The following FRRS1 variants were observed in gnomAD, a reference collection of about 807,000 sequenced individuals.
FRRS1 encodes the protein ferric reductase 1.
FRRS1 carries 51 observed loss-of-function variants against 70.7 expected under a neutral mutation model. The ratio of observed to expected loss-of-function variants is 0.72; its 90% CI spans 0.58 to 0.91. FRRS1 has a LOEUF of 0.91. Among genes scored for constraint, FRRS1 ranks in the 40% least tolerant of loss-of-function variants. The pLI, the probability that FRRS1 is intolerant of heterozygous loss-of-function variation, is 0.00. For synonymous variants in FRRS1, 225 were observed against 238.7 expected, an observed-to-expected ratio of 0.94 and a Z score of 0.53; for missense variants, 672 against 726.0, an observed-to-expected ratio of 0.93 and a Z score of 0.86.
chr1:99,739,197 A>C (rs950877588), intron 6 of FRRS1, among the ~76,000 whole-genome samples: 7 of 152,346 alleles, frequency 4.6e-5, no homozygotes, highest in African/African-American at 1.7e-4. Flanking sequence ...GAAAACTGTA[A>C]GAAATAGACC....
At chr1:99,755,754 G>A (rs190720723) in intron 1 of FRRS1, among the ~76,000 whole-genome samples, 33 of 152,210 alleles carry the variant, frequency 2.2e-4, no homozygotes, top group African/African-American at 7.0e-4. Flanking sequence ...AAAATTTTAC[G>A]ATTTTAGAAA....
chr1:99,726,299 G>T (rs553515600), intron 9 of FRRS1, among the ~76,000 whole-genome samples: 1 of 152,220 alleles, frequency 6.6e-6, no homozygotes, highest in African/African-American at 2.4e-5. Context: ...CTGTGGAACT[G>T]TGAATCAATT....
intron 1 of FRRS1, among the ~76,000 whole-genome samples, chr1:99,762,336 T>C (rs1283141417): frequency 6.6e-6 from 1 of 152,224 alleles, no homozygotes; most frequent in Non-Finnish European, 1.5e-5. Flanking sequence ...TAAGGAAGTC[T>C]AACTAGAATC....
intron 14 of FRRS1, chr1:99,711,265 CT>C (rs1402849418): frequency 3.4e-5 from 9 of 268,392 alleles, no homozygotes; most frequent in South Asian, 7.5e-5. Flanking sequence ...TGTTTCAACT[CT>C]TTCCCCCATT....
At chr1:99,764,608 A>G (rs1022833534) in intron 1 of FRRS1, among the ~76,000 whole-genome samples, 2 of 152,172 alleles carry the variant, frequency 1.3e-5, no homozygotes, top group Non-Finnish European at 2.9e-5. Context: ...CCTATGATAC[A>G]ATGAAGTGTA....
chr1:99,716,400 G>A (rs1013971189), intron 11 of FRRS1, among the ~76,000 whole-genome samples: 2 of 152,160 alleles, frequency 1.3e-5, no homozygotes, highest in East Asian at 1.9e-4. Context: ...TTGATAAAGA[G>A]AATACACACA....
At chr1:99,718,036 T>G (rs1004376989) in intron 10 of FRRS1, among the ~76,000 whole-genome samples, 3 of 152,218 alleles carry the variant, frequency 2.0e-5, no homozygotes, top group African/African-American at 7.2e-5. Context: ...ACTACCAAAC[T>G]GGAGCTACAA....
intron 9 of FRRS1, among the ~76,000 whole-genome samples, chr1:99,724,410 A>G (rs1031061522): frequency 9.9e-5 from 15 of 152,252 alleles, no homozygotes; most frequent in Non-Finnish European, 2.9e-5. Flanking sequence ...AACACTCAGT[A>G]TTTCACATGA....
intron 15 of FRRS1, 106 bp from the exon 16 acceptor site, chr1:99,709,365 A>G: frequency 1.4e-6 from 1 of 737,278 alleles, no homozygotes; most frequent in Non-Finnish European, 2.3e-6. Context: ...CCAGGGTAGA[A>G]ATTCTCCCAC....
intron 15 of FRRS1, 142 bp downstream of exon 15, chr1:99,710,664 A>C: frequency 1.5e-6 from 1 of 647,210 alleles, no homozygotes; most frequent in Non-Finnish European, 2.6e-6. Context: ...AGAAAATCAC[A>C]ATTTCTAGCA....
chr1:99,760,942 G>A (rs899270191), intron 1 of FRRS1, among the ~76,000 whole-genome samples: 7 of 151,994 alleles, frequency 4.6e-5, no homozygotes, highest in South Asian at 2.1e-4. Context: ...GAGCCAATGC[G>A]CCTGGCCAGT....
intron 1 of FRRS1, among the ~76,000 whole-genome samples, chr1:99,758,847 TG>T (rs35333801): frequency 2.0e-3 from 304 of 152,190 alleles, no homozygotes; most frequent in African/African-American, 7.0e-3. Flanking sequence ...AATGCACTCC[TG>T]GGGGGAGGCC....
chr1:99,759,182 G>A (rs576388978), intron 1 of FRRS1, among the ~76,000 whole-genome samples: 2 of 151,996 alleles, frequency 1.3e-5, no homozygotes, highest in African/African-American at 2.4e-5. Context: ...TGTGATCTTT[G>A]TGCCTACTCC....
intron 11 of FRRS1, 120 bp from the exon 12 acceptor site, chr1:99,715,792 T>A: frequency 1.6e-6 from 1 of 618,128 alleles, no homozygotes; most frequent in Admixed American, 2.7e-5. Flanking sequence ...TGCATTCAAC[T>A]GACATCTAAT....
At chr1:99,750,000 G>GC (rs1389956078) in intron 1 of FRRS1, among the ~76,000 whole-genome samples, 1 of 152,164 alleles carries the variant, frequency 6.6e-6, no homozygotes, top group Non-Finnish European at 1.5e-5. Flanking sequence ...GACAATAGCA[G>GC]CCTTAGAATC....
At chr1:99,748,862 C>A in intron 2 of FRRS1, 35 bp downstream of exon 2, 6 of 871,462 alleles carry the variant, frequency 6.9e-6, no homozygotes. Flanking sequence ...TAACTACTTG[C>A]TTTCTGTGTT....
rs1654112077 is a variant in FRRS1, at chr1:99,708,614, AAAAAAAAAAAAATATATATAT to A, written c.*393_*413del. On this transcript the variant is annotated 3_prime_UTR_variant, in exon 17 of 17. Coordinates refer to ENST00000646001, the MANE Select transcript of FRRS1 (RefSeq NM_001361041.2). ...CTCTGTCTCAAAAAAAAAAAAAAAAAAAAAAAAAAAAATATATATATATATATATATATATATATATATATA... is the reference window on the plus strand; with the variant it reads ...CTCTGTCTCAAAAAAAAAAAAAAAAAATATATATATATATATATATATATA... 1 of 92,458 alleles carries A rather than the reference AAAAAAAAAAAAATATATATAT, an allele frequency of 1.1e-5. No homozygotes were observed. The highest frequency in any genetic ancestry group is 4.9e-5 in the African/African-American group (1 of 20,526). 5.7% of individuals were successfully genotyped at this position (92,458 alleles called of 1,614,324 possible). A position where few individuals can be genotyped will look rare whatever the true frequency, so the allele number is the denominator to read the frequency against.
Position 99,706,420 on chromosome 1 carries a change from A to T in FRRS1, c.*2608T>A, listed in dbSNP as rs1276374374. ...TAAGACCCTGTCTCAAAAAAAAAAA[A>T]AAAAGATTAAATGCAAAGGCTTATT... On this transcript the variant is annotated 3_prime_UTR_variant, in exon 17 of 17. Coordinates refer to ENST00000646001, the MANE Select transcript of FRRS1 (RefSeq NM_001361041.2). Among the ~76,000 whole-genome samples, 1 of 151,888 alleles carries T rather than the reference A, an allele frequency of 6.6e-6. No homozygotes were observed. Among genetic ancestry groups the T allele is most frequent in the African/African-American group, 2.4e-5 (1 of 41,324 alleles).
Position 99,742,169 on chromosome 1 carries a change from T to C in FRRS1, c.428+10A>G, listed in dbSNP as rs758545646. On this transcript the variant is annotated intron_variant, in intron 5 of 16. Coordinates refer to ENST00000646001, the MANE Select transcript of FRRS1 (RefSeq NM_001361041.2). Reference sequence around the variant, plus strand: ...ATGCCTGGCCCAGAATTATAAACTCTTATACTCACAGAAACTGTGTGTGAT... The same window carrying C: ...ATGCCTGGCCCAGAATTATAAACTCCTATACTCACAGAAACTGTGTGTGAT... 4.5e-6 allele frequency: 7 copies of C among 1,550,456 alleles called. No individual in the cohort carries two copies. In the South Asian group the frequency reaches 7.8e-5, roughly 17 times the overall value.
Sources: allele counts gnomAD v4.1 joint callset (sites outside exome capture counted in the v4.1 genomes callset), GRCh38; gene constraint gnomAD v4.1.1; transcripts MANE v1.5; gene names NCBI Gene and HGNC (gene_info 2026-07-23, HGNC 2026-07-21).